PPP1R12B: variants seen among roughly 807,000 people sequenced by gnomAD.
The protein encoded by PPP1R12B is protein phosphatase 1 regulatory subunit 12B.
Under a neutral mutation model 126.1 loss-of-function variants are expected in PPP1R12B, and 76 were observed. The observed-to-expected ratio is 0.60, with a 90% CI of 0.50 to 0.73. PPP1R12B has a LOEUF of 0.73. Among genes scored for constraint, PPP1R12B ranks in the 30% least tolerant of loss-of-function variants. The probability of loss-of-function intolerance (pLI) is 0.00; values close to 1 mark genes in which losing one functional copy is unlikely to be tolerated. For missense variants in PPP1R12B, 1,052 were observed against 1,205.1 expected, an observed-to-expected ratio of 0.87 and a Z score of 1.88; for synonymous variants, 356 against 434.7, an observed-to-expected ratio of 0.82 and a Z score of 2.25.
At chr1:202,401,533 T>A (rs528493420) in intron 1 of PPP1R12B, among the ~76,000 whole-genome samples, 9 of 125,110 alleles carry the variant, frequency 7.2e-5, no homozygotes, top group African/African-American at 2.6e-4. Context: ...TGCACTATAC[T>A]GCCTCACAGT....
intron 15 of PPP1R12B, among the ~76,000 whole-genome samples, chr1:202,494,363 C>G (rs1679257193): frequency 6.6e-6 from 1 of 152,102 alleles, no homozygotes; most frequent in Admixed American, 6.5e-5. Flanking sequence ...GTAACTTATT[C>G]AAGGTCACAG....
chr1:202,382,189 C>T lies in PPP1R12B; in HGVS notation c.291+33047C>T, dbSNP rs182251393. Among the ~76,000 whole-genome samples, 42 of 150,158 alleles carry T rather than the reference C, an allele frequency of 2.8e-4. 1 individual carries two copies. The highest frequency in any genetic ancestry group is 1.5e-3 in the Admixed American group (22 of 14,804). ...GTGGCAAGGACAAAAAACCAAACAT[C>T]GCATGTTCTCCCTCATAGGTGGGAA... On this transcript the variant is annotated intron_variant, in intron 1 of 23. Coordinates refer to ENST00000608999, the MANE Select transcript of PPP1R12B (RefSeq NM_002481.4).
chr1:202,489,413 GTGTT>G (rs1206260490), intron 14 of PPP1R12B, among the ~76,000 whole-genome samples: 4 of 152,124 alleles, frequency 2.6e-5, no homozygotes, highest in African/African-American at 9.7e-5. Flanking sequence ...TTGTATATAG[GTGTT>G]TGTAATAGTA....
intron 1 of PPP1R12B, among the ~76,000 whole-genome samples, chr1:202,354,589 A>G (rs1335511576): frequency 6.6e-6 from 1 of 151,760 alleles, no homozygotes; most frequent in Non-Finnish European, 1.5e-5. Flanking sequence ...AAGAGCCACC[A>G]TGCCTGGCCT....
chr1:202,572,704 T>C (rs559659266), intron 23 of PPP1R12B, among the ~76,000 whole-genome samples: 1 of 152,256 alleles, frequency 6.6e-6, no homozygotes, highest in African/African-American at 2.4e-5. Flanking sequence ...TGTCAGACCT[T>C]CTCCCCTTCC....
chr1:202,459,075 G>A (rs1444496723), intron 13 of PPP1R12B, among the ~76,000 whole-genome samples: 1 of 152,178 alleles, frequency 6.6e-6, no homozygotes, highest in Admixed American at 6.5e-5. Context: ...ATTGGCCAAT[G>A]ATCAGTCTCA....
intron 1 of PPP1R12B, among the ~76,000 whole-genome samples, chr1:202,358,266 G>A (rs1657477347): frequency 6.6e-6 from 1 of 152,108 alleles, no homozygotes; most frequent in South Asian, 2.1e-4. Context: ...CTTTTGAAGT[G>A]TCATTTAAAA....
intron 13 of PPP1R12B, among the ~76,000 whole-genome samples, chr1:202,468,636 A>G (rs1178425394): frequency 6.6e-6 from 1 of 152,202 alleles, no homozygotes; most frequent in Non-Finnish European, 1.5e-5. Context: ...GCTTCAGAAC[A>G]GAGCATTTGG....
intron 19 of PPP1R12B, among the ~76,000 whole-genome samples, chr1:202,560,938 A>C (rs1179650254): frequency 6.6e-6 from 1 of 152,156 alleles, no homozygotes; most frequent in Non-Finnish European, 1.5e-5. Context: ...GGTGCAGTGC[A>C]CCAGCATGTC....
chr1:202,583,314 C>T lies in PPP1R12B; in HGVS notation c.*2754C>T, dbSNP rs1689650299. 1 of 152,182 alleles carries T rather than the reference C, an allele frequency of 6.6e-6. No individual in the cohort carries two copies. Among genetic ancestry groups the T allele is most frequent in the Admixed American group, 6.5e-5 (1 of 15,284 alleles). 9.4% of individuals were successfully genotyped at this position (152,182 alleles called of 1,614,324 possible). A position where few individuals can be genotyped will look rare whatever the true frequency, so the allele number is the denominator to read the frequency against. ...GATCTGTTTGTGCCTTTCAAAAGTA[C>T]TGGGGGCAGATTCTCAAAACTCTTA... On this transcript the variant is annotated 3_prime_UTR_variant, in exon 24 of 24. Transcript: ENST00000608999.
At chr1:202,526,598 T>C (rs1683373830) in intron 18 of PPP1R12B, among the ~76,000 whole-genome samples, 2 of 152,020 alleles carry the variant, frequency 1.3e-5, no homozygotes, top group South Asian at 4.2e-4. Flanking sequence ...AATCATGGAA[T>C]GTAAGCTCGA....
At chr1:202,471,938 G>A (rs1572177133) in intron 13 of PPP1R12B, 1 of 1,596,874 alleles carries the variant, frequency 6.3e-7, no homozygotes, top group East Asian at 2.2e-5. Context: ...AGAGGACAGT[G>A]GAGCAGCCAA....
intron 23 of PPP1R12B, 107 bp downstream of exon 23, chr1:202,569,304 T>C: frequency 9.1e-7 from 1 of 1,103,522 alleles, no homozygotes. Flanking sequence ...ACAAACTCAA[T>C]ATCTGCAAGA....
intron 18 of PPP1R12B, among the ~76,000 whole-genome samples, chr1:202,536,402 T>TA (rs1354474134): frequency 6.6e-6 from 1 of 152,174 alleles, no homozygotes; most frequent in Non-Finnish European, 1.5e-5. Flanking sequence ...AAAGGTATTG[T>TA]AAAAATACTG....
intron 10 of PPP1R12B, chr1:202,439,290 G>A (rs923171500): frequency 7.0e-7 from 1 of 1,421,624 alleles, no homozygotes; most frequent in Admixed American, 1.7e-5. Flanking sequence ...CCAGCAGGGT[G>A]AGTACAGTGA....
chr1:202,512,188 T>C lies in PPP1R12B; in HGVS notation c.2490+15366T>C, dbSNP rs139742873. 3.2e-3 allele frequency among the ~76,000 whole-genome samples: 490 copies of C among 152,338 alleles called. 1 individual carries two copies. Among genetic ancestry groups the C allele is most frequent in the African/African-American group, 0.011 (473 of 41,580 alleles). On this transcript the variant is annotated intron_variant, in intron 18 of 23. Coordinates refer to ENST00000608999, the MANE Select transcript of PPP1R12B (RefSeq NM_002481.4). ...AGGAATATTTCTTCCATGATACATA[T>C]ACAGACAGTTGTTGAATCTCTTGTT...
At chr1:202,574,734 G>A (rs577059023) in intron 23 of PPP1R12B, among the ~76,000 whole-genome samples, 153 of 152,270 alleles carry the variant, frequency 1.0e-3, no homozygotes, top group African/African-American at 3.4e-3. Context: ...TGCCTTTTGA[G>A]AGCCTGGCAG....
chr1:202,528,025 C>G (rs1333237323), intron 18 of PPP1R12B, among the ~76,000 whole-genome samples: 1 of 152,200 alleles, frequency 6.6e-6, no homozygotes, highest in Non-Finnish European at 1.5e-5. Context: ...ACCAGCTTTG[C>G]TCTTTGATTC....
intron 18 of PPP1R12B, among the ~76,000 whole-genome samples, chr1:202,544,792 T>C (rs1377008155): frequency 6.6e-6 from 1 of 152,218 alleles, no homozygotes; most frequent in East Asian, 1.9e-4. Context: ...AAAGGGAACA[T>C]TTAATCAATT....
Sources: allele counts gnomAD v4.1 joint callset (sites outside exome capture counted in the v4.1 genomes callset), GRCh38; gene constraint gnomAD v4.1.1; transcripts MANE v1.5; gene names NCBI Gene and HGNC (gene_info 2026-07-23, HGNC 2026-07-21).